The following PTPRD variants were observed in gnomAD, a reference collection of about 807,000 sequenced individuals.
PTPRD encodes receptor-type tyrosine-protein phosphatase delta.
Under a neutral mutation model 214.5 loss-of-function variants are expected in PTPRD, and 34 were observed. The ratio of observed to expected loss-of-function variants is 0.16; its 90% CI spans 0.12 to 0.21. The LOEUF (loss-of-function observed/expected upper bound fraction) is 0.21, where lower values mean the gene tolerates loss of function less well. Among genes scored for constraint, PTPRD ranks in the 10% least tolerant of loss-of-function variants. The pLI is 1.00. For synonymous variants in PTPRD, 1,128 were observed against 845.7 expected (o/e 1.33, Z -5.79); for missense variants, 2,545 against 2,398.7 (o/e 1.06, Z -1.27).
intron 7 of PTPRD, among the ~76,000 whole-genome samples, chr9:9,684,441 C>T (rs1044887531): frequency 6.6e-6 from 1 of 151,606 alleles, no homozygotes; most frequent in African/African-American, 2.4e-5. Context: ...AAACATCTAA[C>T]ACCTTACATT....
intron 8 of PTPRD, among the ~76,000 whole-genome samples, chr9:9,453,970 T>C (rs759420727): frequency 2.6e-4 from 40 of 151,918 alleles, no homozygotes; most frequent in East Asian, 7.8e-4. Flanking sequence ...CATTTCTCTA[T>C]ATCTGTCATA....
At chr9:8,753,024 G>C (rs1280028637) in intron 11 of PTPRD, among the ~76,000 whole-genome samples, 2 of 152,150 alleles carry the variant, frequency 1.3e-5, no homozygotes, top group Non-Finnish European at 2.9e-5. Flanking sequence ...AAATACTCAG[G>C]TAGGTAACTT....
intron 3 of PTPRD, among the ~76,000 whole-genome samples, chr9:10,096,015 C>T (rs1027174778): frequency 6.6e-6 from 1 of 151,464 alleles, no homozygotes; most frequent in Non-Finnish European, 1.5e-5. Flanking sequence ...ATTCCTTTGC[C>T]CTATATCCAC....
intron 39 of PTPRD, among the ~76,000 whole-genome samples, chr9:8,350,124 G>A (rs1003221704): frequency 5.9e-5 from 9 of 151,940 alleles, no homozygotes; most frequent in African/African-American, 9.7e-5. Flanking sequence ...GAGTTGAAAC[G>A]GGCTTAATGT....
At chr9:8,333,353 A>G (rs181813130) in intron 43 of PTPRD, among the ~76,000 whole-genome samples, 1 of 152,308 alleles carries the variant, frequency 6.6e-6, no homozygotes, top group East Asian at 1.9e-4. Flanking sequence ...CATGTGTGCA[A>G]ATACCTTCTA....
intron 9 of PTPRD, among the ~76,000 whole-genome samples, chr9:9,241,892 G>T (rs931748308): frequency 6.6e-6 from 1 of 152,082 alleles, no homozygotes; most frequent in African/African-American, 2.4e-5. Context: ...TCATTAAGAT[G>T]TTAGGTGGTT....
intron 7 of PTPRD, among the ~76,000 whole-genome samples, chr9:9,732,185 T>C (rs1307186680): frequency 2.0e-5 from 3 of 151,944 alleles, no homozygotes; most frequent in Non-Finnish European, 2.9e-5. Context: ...GTGGGGCTTG[T>C]AAAGGGAGAA....
At chr9:8,533,988 T>C (rs867394627) in intron 14 of PTPRD, among the ~76,000 whole-genome samples, 18 of 152,042 alleles carry the variant, frequency 1.2e-4, no homozygotes, top group African/African-American at 4.3e-4. Flanking sequence ...AGCTATCTCA[T>C]AGTCTCATTA....
At chr9:9,989,279 T>C (rs1326595557) in intron 4 of PTPRD, among the ~76,000 whole-genome samples, 3 of 152,108 alleles carry the variant, frequency 2.0e-5, no homozygotes, top group African/African-American at 7.2e-5. Context: ...AATGAGAGCA[T>C]GCATTCCTGT....
chr9:8,357,639 G>GT (rs1007441931), intron 39 of PTPRD, among the ~76,000 whole-genome samples: 2 of 152,098 alleles, frequency 1.3e-5, no homozygotes, highest in South Asian at 2.1e-4. Context: ...GGAAAATGAA[G>GT]TTTTTTTCTT....
chr9:8,511,851 C>T (rs2097689108), intron 21 of PTPRD, among the ~76,000 whole-genome samples: 1 of 152,010 alleles, frequency 6.6e-6, no homozygotes, highest in Non-Finnish European at 1.5e-5. Flanking sequence ...CCTACTGATA[C>T]ATGTTAAGTA....
chr9:10,097,931 G>T (rs1364003410), intron 3 of PTPRD, among the ~76,000 whole-genome samples: 1 of 151,840 alleles, frequency 6.6e-6, no homozygotes, highest in African/African-American at 2.4e-5. Context: ...GGAAGTCGGT[G>T]TAGCGATTCC....
At chr9:10,035,475 G>T (rs1211805580) in intron 3 of PTPRD, among the ~76,000 whole-genome samples, 1 of 152,070 alleles carries the variant, frequency 6.6e-6, no homozygotes, top group African/African-American at 2.4e-5. Context: ...TGTTGCAATT[G>T]CTTTTGGCAT....
At chr9:10,297,776 G>T (rs611275) in intron 3 of PTPRD, among the ~76,000 whole-genome samples, 1 of 151,972 alleles carries the variant, frequency 6.6e-6, no homozygotes, top group Non-Finnish European at 1.5e-5. Flanking sequence ...ACAGCTACTG[G>T]AAAATGACAG....
At chr9:10,606,394 C>T (rs1206127335) in intron 2 of PTPRD, among the ~76,000 whole-genome samples, 5 of 151,714 alleles carry the variant, frequency 3.3e-5, no homozygotes, top group Admixed American at 3.3e-4. Flanking sequence ...AGATTTGAGG[C>T]CAATTATTGG....
chr9:10,156,674 G>A (rs1486684667), intron 3 of PTPRD, among the ~76,000 whole-genome samples: 1 of 152,110 alleles, frequency 6.6e-6, no homozygotes, highest in Non-Finnish European at 1.5e-5. Context: ...CTGAGTTCAG[G>A]TCCTCAATAT....
At chr9:10,501,518 A>T (rs1332034145) in intron 2 of PTPRD, among the ~76,000 whole-genome samples, 1 of 151,960 alleles carries the variant, frequency 6.6e-6, no homozygotes, top group Non-Finnish European at 1.5e-5. Flanking sequence ...TATTAAATTA[A>T]GAAGCTGAGA....
intron 7 of PTPRD, among the ~76,000 whole-genome samples, chr9:9,725,287 T>C (rs929210884): frequency 2.7e-5 from 4 of 147,334 alleles, no homozygotes; most frequent in Non-Finnish European, 5.9e-5. Context: ...TCTGACGGTA[T>C]TAAAAATGGG....
intron 14 of PTPRD, among the ~76,000 whole-genome samples, chr9:8,578,386 A>G (rs539704289): frequency 1.7e-4 from 25 of 146,178 alleles, no homozygotes; most frequent in Admixed American, 5.5e-4. Flanking sequence ...TCTATTTATT[A>G]AACAGAGTTT....
Sources: allele counts gnomAD v4.1 joint callset (sites outside exome capture counted in the v4.1 genomes callset), GRCh38; gene constraint gnomAD v4.1.1; transcripts MANE v1.5; gene names NCBI Gene and HGNC (gene_info 2026-07-23, HGNC 2026-07-21).